The following GRK5 variants were observed in gnomAD, a reference collection of about 807,000 sequenced individuals.
GRK5 encodes G protein-coupled receptor kinase 5.
Under a neutral mutation model 78.4 loss-of-function variants are expected in GRK5, and 40 were observed. The ratio of observed to expected loss-of-function variants is 0.51; its 90% CI spans 0.40 to 0.66. The LOEUF is 0.66. GRK5 is among the 30% of genes least tolerant of loss of function. The pLI, the probability that GRK5 is intolerant of heterozygous loss-of-function variation, is 0.00. For synonymous variants in GRK5, 289 were observed against 296.8 expected (o/e 0.97, Z 0.27); for missense variants, 598 against 759.9 (o/e 0.79, Z 2.50).
chr10:119,236,022 C>G (rs1378515864), intron 1 of GRK5, among the ~76,000 whole-genome samples: 1 of 152,176 alleles, frequency 6.6e-6, no homozygotes, highest in Non-Finnish European at 1.5e-5. Context: ...ATCCCTTAGA[C>G]CGTGGCTGCT....
intron 8 of GRK5, among the ~76,000 whole-genome samples, chr10:119,432,027 A>G (rs1451949472): frequency 6.6e-6 from 1 of 152,246 alleles, no homozygotes. Flanking sequence ...GCAGAGGTTC[A>G]TCTGTCACTC....
intron 2 of GRK5, among the ~76,000 whole-genome samples, chr10:119,371,710 G>A (rs1369442537): frequency 1.3e-5 from 2 of 152,226 alleles, no homozygotes; most frequent in African/African-American, 4.8e-5. Context: ...CTAATGGAGA[G>A]TCAAGGTTCC....
chr10:119,348,826 C>T (rs1851145408), intron 2 of GRK5, among the ~76,000 whole-genome samples: 1 of 152,228 alleles, frequency 6.6e-6, no homozygotes, highest in African/African-American at 2.4e-5. Context: ...TGTTGCTTTG[C>T]TCTTCTCCAT....
chr10:119,348,467 G>T (rs1204002481), intron 2 of GRK5, among the ~76,000 whole-genome samples: 1 of 152,218 alleles, frequency 6.6e-6, no homozygotes, highest in African/African-American at 2.4e-5. Flanking sequence ...AAGCAGGCAG[G>T]TCTGAGCCTT....
chr10:119,370,830 A>T (rs1273926400), intron 2 of GRK5, among the ~76,000 whole-genome samples: 1 of 151,978 alleles, frequency 6.6e-6, no homozygotes, highest in Admixed American at 6.5e-5. Flanking sequence ...TTGCATTAGG[A>T]TCTATCAGGG....
chr10:119,382,188 CAGGCTCTGCCTTGGGCTTAGGGG>C (rs1164901056), intron 3 of GRK5, among the ~76,000 whole-genome samples: 157 of 141,500 alleles, frequency 1.1e-3, no homozygotes, highest in Non-Finnish European at 1.5e-3. Context: ...CTCCCCTCTG[CAGGCTCTGCCTTGGGCTTAGGGG>C]AGGCTCTGCC....
At chr10:119,414,698 A>T (rs1852411965) in intron 4 of GRK5, among the ~76,000 whole-genome samples, 2 of 152,222 alleles carry the variant, frequency 1.3e-5, no homozygotes, top group South Asian at 4.1e-4. Flanking sequence ...GAGGACAGTA[A>T]GAATAATAAA....
Position 119,216,870 on chromosome 10 carries a change from G to A in GRK5, c.52+8901G>A, listed in dbSNP as rs537772006. 2.0e-5 allele frequency among the ~76,000 whole-genome samples: 3 copies of A among 152,178 alleles called. No individual in the cohort carries two copies. In the South Asian group the frequency reaches 6.2e-4, roughly 32 times the overall value. On this transcript the variant is annotated intron_variant, in intron 1 of 15. Transcript: ENST00000392870. The stretch of plus-strand genomic sequence containing the variant: ...CTTGGGAGACTGAGGCAGGAGAATT[G>A]TTTGAACCTGGGAGTGCCACTGCAC...
chr10:119,405,813 C>A (rs1440721257), intron 4 of GRK5, among the ~76,000 whole-genome samples: 2 of 152,176 alleles, frequency 1.3e-5, no homozygotes, highest in Non-Finnish European at 2.9e-5. Flanking sequence ...TGGTTTTGGC[C>A]ATGTTTGCAG....
At chr10:119,234,596 A>AT (rs1848887596) in intron 1 of GRK5, among the ~76,000 whole-genome samples, 1 of 151,620 alleles carries the variant, frequency 6.6e-6, no homozygotes, top group African/African-American at 2.4e-5. Flanking sequence ...GATAACTGTA[A>AT]TTTTTTCTTT....
At chr10:119,254,131 CTTGTAATT>C (rs1849244569) in intron 1 of GRK5, among the ~76,000 whole-genome samples, 1 of 152,170 alleles carries the variant, frequency 6.6e-6, no homozygotes, top group African/African-American at 2.4e-5. Flanking sequence ...AAGTGGGACT[CTTGTAATT>C]CTAAGCGCCT....
At position 119,442,021 on chromosome 10, in the gene GRK5, G is replaced by C; in HGVS notation, c.990G>C (p.Leu330=). ...DDYGHIRISD[L]GLAVKIPEGD... ...CAGGCCACATTAGGATCTCAGACCT[G>C]GGCTTGGCTGTGAAGATCCCCGAGG... The change falls in exon 11 of 16, where the codon CTG becomes CTC. Residue 330 remains leucine (L), a synonymous_variant. Coordinates refer to ENST00000392870, the MANE Select transcript of GRK5 (RefSeq NM_005308.3). 1 of 1,613,998 alleles carries C rather than the reference G, an allele frequency of 6.2e-7. No individual in the cohort carries two copies. Among genetic ancestry groups the C allele is most frequent in the South Asian group, 1.1e-5 (1 of 91,086 alleles).
At chr10:119,410,539 G>C (rs1161259900) in intron 4 of GRK5, among the ~76,000 whole-genome samples, 2 of 152,294 alleles carry the variant, frequency 1.3e-5, no homozygotes, top group Admixed American at 1.3e-4. Context: ...CTGTGAAGGG[G>C]CTGGAACCAC....
chr10:119,302,917 G>A, intron 1 of GRK5, among the ~76,000 whole-genome samples: 1 of 152,198 alleles, frequency 6.6e-6, no homozygotes, highest in Non-Finnish European at 1.5e-5. Context: ...GGCAAAGGTA[G>A]TGCTGGTGAT....
intron 1 of GRK5, among the ~76,000 whole-genome samples, chr10:119,239,870 A>G (rs923209272): frequency 2.6e-5 from 4 of 152,144 alleles, no homozygotes; most frequent in Non-Finnish European, 5.9e-5. Context: ...ATGGCTGCAT[A>G]GTATTCCATG....
chr10:119,237,688 AGG>A (rs1848955237), intron 1 of GRK5, among the ~76,000 whole-genome samples: 1 of 147,074 alleles, frequency 6.8e-6, no homozygotes, highest in Non-Finnish European at 1.5e-5. Flanking sequence ...GGAGCCGGAG[AGG>A]GGGAGGGAAC....
chr10:119,342,861 C>A (rs536037513), intron 2 of GRK5, among the ~76,000 whole-genome samples: 20 of 152,256 alleles, frequency 1.3e-4, no homozygotes, highest in African/African-American at 4.8e-4. Context: ...TCTTTATTTA[C>A]TGACTCTCGG....
At position 119,425,640 on chromosome 10, in the gene GRK5, T is replaced by C. The variant is rs138296685; in HGVS notation, c.533+555T>C. ...CTGCCCCTGACCTCCAGTGCCACAG[T>C]GCCCGAGTGCCTGCTCCTCAGCTTC... is the stretch of plus-strand genomic sequence containing the variant. On this transcript the variant is annotated intron_variant, in intron 6 of 15. Coordinates refer to ENST00000392870, the MANE Select transcript of GRK5 (RefSeq NM_005308.3). 9.8e-4 allele frequency among the ~76,000 whole-genome samples: 150 copies of C among 152,374 alleles called. 2 individuals carry two copies. The highest frequency in any genetic ancestry group is 3.5e-3 in the African/African-American group (147 of 41,590).
At chr10:119,437,104 C>T (rs543734566) in intron 9 of GRK5, among the ~76,000 whole-genome samples, 1 of 152,378 alleles carries the variant, frequency 6.6e-6, no homozygotes, top group East Asian at 1.9e-4. Context: ...GTTCCTGAAA[C>T]TGACTGCTCC....
Sources: allele counts gnomAD v4.1 joint callset (sites outside exome capture counted in the v4.1 genomes callset), GRCh38; gene constraint gnomAD v4.1.1; transcripts MANE v1.5; gene names NCBI Gene and HGNC (gene_info 2026-07-23, HGNC 2026-07-21).